STPG2: variants seen among roughly 807,000 people sequenced by gnomAD.
STPG2 encodes sperm-tail PG-rich repeat-containing protein 2.
In STPG2, 56 loss-of-function variants were observed where a neutral mutation model predicts 54.2. The observed-to-expected ratio is 1.03, with a 90% CI of 0.83 to 1.29. The LOEUF is 1.29. STPG2 is among the 50% of genes most tolerant of loss of function. The pLI, the probability that STPG2 is intolerant of heterozygous loss-of-function variation, is 0.00. For synonymous variants in STPG2, 200 were observed against 181.8 expected, an observed-to-expected ratio of 1.10 and a Z score of -0.81; for missense variants, 596 against 544.9, an observed-to-expected ratio of 1.09 and a Z score of -0.93.
At chr4:97,598,841 C>T (rs1330643503) in intron 10 of STPG2, among the ~76,000 whole-genome samples, 1 of 151,964 alleles carries the variant, frequency 6.6e-6, no homozygotes, top group Non-Finnish European at 1.5e-5. Context: ...CTAATAAATA[C>T]CATTCTGGAC....
At chr4:97,877,518 T>C (rs1334524079) in intron 8 of STPG2, among the ~76,000 whole-genome samples, 1 of 152,168 alleles carries the variant, frequency 6.6e-6, no homozygotes, top group Non-Finnish European at 1.5e-5. Context: ...GGCAAAGGCA[T>C]GTCTTACATG....
chr4:97,623,394 A>G (rs530231731), intron 10 of STPG2, among the ~76,000 whole-genome samples: 1 of 152,310 alleles, frequency 6.6e-6, no homozygotes, highest in East Asian at 1.9e-4. Context: ...TTCAGACTCT[A>G]TAAGAACCAT....
chr4:97,456,404 CA>C (rs1483508999), intron 4 of STPG2, among the ~76,000 whole-genome samples: 3 of 152,116 alleles, frequency 2.0e-5, no homozygotes, highest in Non-Finnish European at 2.9e-5. Flanking sequence ...CACTCACTAT[CA>C]TGAGAACAGC....
At chr4:97,637,318 A>C (rs1401057795) in intron 10 of STPG2, among the ~76,000 whole-genome samples, 1 of 152,210 alleles carries the variant, frequency 6.6e-6, no homozygotes, top group Non-Finnish European at 1.5e-5. Context: ...ACTCTCAGTA[A>C]ATTAAGTATT....
intron 8 of STPG2, among the ~76,000 whole-genome samples, chr4:97,940,904 C>T (rs1732953555): frequency 6.6e-6 from 1 of 152,062 alleles, no homozygotes; most frequent in Non-Finnish European, 1.5e-5. Context: ...CTAGGAAATG[C>T]TCGGTTCATA....
At chr4:97,643,004 C>A (rs909621730) in intron 10 of STPG2, among the ~76,000 whole-genome samples, 8 of 151,374 alleles carry the variant, frequency 5.3e-5, no homozygotes, top group Non-Finnish European at 1.5e-5. Context: ...TAATAAATAT[C>A]TGATGAATGA....
At chr4:97,654,342 A>AT (rs1314390430) in intron 10 of STPG2, among the ~76,000 whole-genome samples, 6 of 152,142 alleles carry the variant, frequency 3.9e-5, no homozygotes, top group Non-Finnish European at 8.8e-5. Context: ...TTTTAAAGTG[A>AT]TTTTTTATGA....
At chr4:97,872,205 G>T (rs2149155664) in intron 8 of STPG2, among the ~76,000 whole-genome samples, 1 of 151,220 alleles carries the variant, frequency 6.6e-6, no homozygotes, top group Non-Finnish European at 1.5e-5. Context: ...GGAAGTGCTA[G>T]GGGTATTTCA....
At chr4:97,858,355 T>C (rs1560557539) in intron 8 of STPG2, among the ~76,000 whole-genome samples, 1 of 152,162 alleles carries the variant, frequency 6.6e-6, no homozygotes, top group Non-Finnish European at 1.5e-5. Context: ...CAGCAGAATT[T>C]TCAGTGCAAA....
chr4:98,082,282 G>A (rs1738369692), intron 5 of STPG2, among the ~76,000 whole-genome samples: 2 of 151,834 alleles, frequency 1.3e-5, no homozygotes, highest in Non-Finnish European at 2.9e-5. Context: ...TACACAGAAG[G>A]AGCAACTCAA....
rs376141711 is a variant in STPG2, at chr4:98,019,498, G to A, written c.613-38180C>T. ...TGGCTTAGGATTGACTTGGCGATGC[G>A]GGCTCTTTTTTGGTTCCATATGAAC... On this transcript the variant is annotated intron_variant, in intron 5 of 10. Coordinates refer to ENST00000295268, the MANE Select transcript of STPG2 (RefSeq NM_174952.3). Among the ~76,000 whole-genome samples the A allele has an allele frequency of 2.5e-4, 38 of 151,848 alleles. No individual in the cohort carries two copies. The East Asian group carries it at 3.3e-3, about 13-fold the overall frequency.
intron 4 of STPG2, among the ~76,000 whole-genome samples, chr4:97,472,296 G>C (rs1729956540): frequency 6.6e-6 from 1 of 152,190 alleles, no homozygotes; most frequent in Non-Finnish European, 1.5e-5. Flanking sequence ...GTGTGGACAA[G>C]TTTAAGAGAT....
intron 10 of STPG2, among the ~76,000 whole-genome samples, chr4:97,625,893 A>G (rs752020590): frequency 6.6e-6 from 1 of 152,234 alleles, no homozygotes; most frequent in African/African-American, 2.4e-5. Flanking sequence ...ACTGTTATCC[A>G]AATTCTGGTC....
At chr4:97,890,356 A>AT (rs1553922016) in intron 8 of STPG2, among the ~76,000 whole-genome samples, 1 of 152,088 alleles carries the variant, frequency 6.6e-6, no homozygotes, top group East Asian at 1.9e-4. Flanking sequence ...ATTTAAAAAA[A>AT]TTTTTTTTAA....
intron 7 of STPG2, among the ~76,000 whole-genome samples, chr4:97,959,313 T>C (rs1479076434): frequency 1.3e-5 from 2 of 150,824 alleles, no homozygotes; most frequent in East Asian, 1.9e-4. Context: ...CTCAAAGAAC[T>C]AGAGAAACAA....
chr4:97,655,614 T>C (rs993710936), intron 10 of STPG2, among the ~76,000 whole-genome samples: 1 of 152,068 alleles, frequency 6.6e-6, no homozygotes, highest in African/African-American at 2.4e-5. Context: ...AAAACCACTA[T>C]AACTATATTT....
chr4:97,634,328 A>C (rs927943796), intron 10 of STPG2, among the ~76,000 whole-genome samples: 1 of 152,126 alleles, frequency 6.6e-6, no homozygotes, highest in African/African-American at 2.4e-5. Context: ...CATCCACACC[A>C]AAAACCCATC....
At chr4:97,814,205 T>C (rs1727836653) in intron 9 of STPG2, among the ~76,000 whole-genome samples, 1 of 152,330 alleles carries the variant, frequency 6.6e-6, no homozygotes, top group African/African-American at 2.4e-5. Flanking sequence ...ACTTACATTA[T>C]TATGAAAGAT....
intron 10 of STPG2, among the ~76,000 whole-genome samples, chr4:97,658,039 C>G (rs1049662897): frequency 2.0e-5 from 3 of 152,150 alleles, no homozygotes; most frequent in African/African-American, 7.2e-5. Flanking sequence ...TTAATTTTTT[C>G]CATTCCAATA....
Sources: gnomAD v4.1 joint callset for allele counts (sites outside exome capture counted in the v4.1 genomes callset) on GRCh38, gnomAD v4.1.1 for gene constraint, MANE v1.5 for transcripts, NCBI Gene and HGNC (gene_info 2026-07-23, HGNC 2026-07-21) for gene names.